Variants in ARHGAP39 observed in about 807,000 individuals in gnomAD.
ARHGAP39 encodes the protein rho GTPase-activating protein 39.
Under a neutral mutation model 106.9 loss-of-function variants are expected in ARHGAP39, and 44 were observed. That is an observed-to-expected ratio of 0.41 (90% CI 0.32 to 0.53). ARHGAP39 has a LOEUF of 0.53. Ranked by LOEUF, ARHGAP39 falls within the 20% of genes least tolerant of loss-of-function variation. The pLI is 0.21. For missense variants in ARHGAP39, 1,496 were observed against 1,577.3 expected (o/e 0.95, Z 0.87); for synonymous variants, 768 against 693.2 (o/e 1.11, Z -1.69).
chr8:144,583,795 A>G (rs538101241), intron 2 of ARHGAP39, among the ~76,000 whole-genome samples: 2 of 152,230 alleles, frequency 1.3e-5, no homozygotes, highest in African/African-American at 4.8e-5. Context: ...TACTACTGTC[A>G]TTGGAAAAAA....
intron 3 of ARHGAP39, among the ~76,000 whole-genome samples, chr8:144,562,971 C>T (rs905000847): frequency 6.6e-6 from 1 of 152,248 alleles, no homozygotes; most frequent in Non-Finnish European, 1.5e-5. Flanking sequence ...CAATATTGAG[C>T]TTGAAGTGAC....
chr8:144,669,506 C>CAAAAAAAA (rs55678140), intron 1 of ARHGAP39, among the ~76,000 whole-genome samples: 2 of 59,732 alleles, frequency 3.3e-5, no homozygotes, highest in African/African-American at 1.3e-4. Flanking sequence ...GACTCGGTCT[C>CAAAAAAAA]AAAAAAAAAA....
Position 144,646,169 on chromosome 8 carries a change from C to T in ARHGAP39, c.-82+39517G>A, listed in dbSNP as rs1821438613. Reference sequence around the variant, plus strand: ...CTTGGAGCCTGCTGGAGGAAGGGCACAGGCCACCGGAGGGGATGTGGATGT... The same window carrying T: ...CTTGGAGCCTGCTGGAGGAAGGGCATAGGCCACCGGAGGGGATGTGGATGT... On this transcript the variant is annotated intron_variant, in intron 1 of 11. Coordinates refer to ENST00000377307, the MANE Select transcript of ARHGAP39 (RefSeq NM_025251.3). This position sits in a 1 kb window ranked among gnomAD's most constrained non-coding sequence, Gnocchi z 5.7. Among the ~76,000 whole-genome samples the T allele has an allele frequency of 6.6e-6, 1 of 152,202 alleles. No homozygotes were observed. The highest frequency in any genetic ancestry group is 2.4e-5 in the African/African-American group (1 of 41,436).
chr8:144,601,036 C>T (rs1356514341), intron 2 of ARHGAP39, among the ~76,000 whole-genome samples: 3 of 122,346 alleles, frequency 2.5e-5, no homozygotes, highest in African/African-American at 9.7e-5. Context: ...GCTCGTGTAC[C>T]TGTGTGTGCA....
chr8:144,632,509 G>A (rs952901502), intron 1 of ARHGAP39, among the ~76,000 whole-genome samples: 8 of 152,220 alleles, frequency 5.3e-5, no homozygotes, highest in Non-Finnish European at 1.0e-4. Flanking sequence ...TGGAACTGGC[G>A]AATCGAGGGG....
At chr8:144,600,530 G>A (rs555343083) in intron 2 of ARHGAP39, among the ~76,000 whole-genome samples, 17 of 150,826 alleles carry the variant, frequency 1.1e-4, no homozygotes, top group South Asian at 1.0e-3. Flanking sequence ...GGAGGCGTGC[G>A]TGTGCACTTG....
chr8:144,675,839 T>C (rs1185676106), intron 1 of ARHGAP39, among the ~76,000 whole-genome samples: 1 of 151,842 alleles, frequency 6.6e-6, no homozygotes, highest in African/African-American at 2.4e-5. Flanking sequence ...AGGCAGTGCA[T>C]CTGGAGTTGT....
chr8:144,594,608 C>T (rs567779147), intron 2 of ARHGAP39, among the ~76,000 whole-genome samples: 50 of 151,398 alleles, frequency 3.3e-4, no homozygotes, highest in Non-Finnish European at 4.9e-4. Flanking sequence ...GAAGGAGAAT[C>T]GCTCGAACCC....
At chr8:144,676,021 A>C (rs1292880991) in intron 1 of ARHGAP39, among the ~76,000 whole-genome samples, 1 of 152,150 alleles carries the variant, frequency 6.6e-6, no homozygotes, top group Admixed American at 6.5e-5. Flanking sequence ...TCAGGAGTGA[A>C]GCTGCAGACC....
chr8:144,620,737 G>A (rs1385812812), intron 1 of ARHGAP39, among the ~76,000 whole-genome samples: 2 of 152,224 alleles, frequency 1.3e-5, no homozygotes, highest in Non-Finnish European at 2.9e-5. Context: ...CCAGTGGGCT[G>A]CCCTGAGCAC....
intron 3 of ARHGAP39, among the ~76,000 whole-genome samples, chr8:144,580,392 T>C (rs574639255): frequency 1.1e-4 from 16 of 152,316 alleles, no homozygotes; most frequent in African/African-American, 3.8e-4. Flanking sequence ...AACCACCACC[T>C]GCCAGGGGCT....
chr8:144,633,790 T>G (rs1418040134), intron 1 of ARHGAP39, among the ~76,000 whole-genome samples: 2 of 152,192 alleles, frequency 1.3e-5, no homozygotes, highest in African/African-American at 4.8e-5. Flanking sequence ...CTCACTCCTA[T>G]CTCAGCCCCC....
At chr8:144,595,864 C>T (rs1439016028) in intron 2 of ARHGAP39, among the ~76,000 whole-genome samples, 4 of 152,194 alleles carry the variant, frequency 2.6e-5, no homozygotes, top group South Asian at 2.1e-4. Context: ...CCCGCCGCGC[C>T]GCCATCTTCC....
Position 144,547,540 on chromosome 8 carries a change from G to A in ARHGAP39, c.1546C>T (p.Leu516=). 1.4e-6 allele frequency: 2 copies of A among 1,475,756 alleles called. No individual in the cohort carries two copies. The highest frequency in any genetic ancestry group is 1.4e-5 in the South Asian group (1 of 72,624). The allele number at this position is 1,475,756 out of a possible 1,614,324, so 91.4% of individuals were successfully genotyped here. The change falls in exon 5 of 12, where the codon CTG becomes TTG. Residue 516 remains leucine, a synonymous_variant. Transcript: ENST00000377307. The surrounding 1 kb of genome is among the most constrained non-coding windows in gnomAD (Gnocchi z 5.2). ...SATPTEGPGD[L]LVEQPLAEEQ... is the part of the protein sequence containing the mutation. ...TCGGCCAGGGGCTGCTCCACAAGCA[G>A]GTCCCCGGGGCCCTCAGTGGGGGTG...
At chr8:144,654,697 T>C (rs1259129442) in intron 1 of ARHGAP39, among the ~76,000 whole-genome samples, 2 of 151,958 alleles carry the variant, frequency 1.3e-5, no homozygotes, top group Non-Finnish European at 2.9e-5. Flanking sequence ...CATGCTGCTG[T>C]AGCTGCCCAA....
chr8:144,547,164 T>C lies in ARHGAP39; in HGVS notation c.1922A>G (p.Asn641Ser), dbSNP rs759411963. The C allele has an allele frequency of 9.3e-6, 15 of 1,610,160 alleles. No homozygotes were observed. The highest frequency in any genetic ancestry group is 4.4e-5 in the South Asian group (4 of 90,540). ...GAGGTAGGGCTCTGGTGAGGCCAGG[T>C]TGGTCTGCACGGAGACGCTCTTCTC... ...LLEKSVSVQT[N>S]LASPEPYLHP... Residue 641 changes from asparagine to serine, a missense_variant, in exon 5 of 12, where the codon AAC becomes AGC. Asn to Ser is a conservative substitution (Grantham distance 46). Around this residue, in one of 4 missense-constraint regions of ARHGAP39, gnomAD observed 905 missense variants for 816.4 expected, o/e 1.11. Coordinates refer to ENST00000377307, the MANE Select transcript of ARHGAP39 (RefSeq NM_025251.3). This position sits in a 1 kb window ranked among gnomAD's most constrained non-coding sequence, Gnocchi z 5.2.
intron 1 of ARHGAP39, among the ~76,000 whole-genome samples, chr8:144,611,389 G>A (rs1820484711): frequency 6.6e-6 from 1 of 152,184 alleles, no homozygotes; most frequent in Admixed American, 6.5e-5. Flanking sequence ...GCTGGTTGAT[G>A]GTGCTGATAC....
chr8:144,666,280 G>A (rs894461582), intron 1 of ARHGAP39, among the ~76,000 whole-genome samples: 12 of 152,304 alleles, frequency 7.9e-5, no homozygotes, highest in African/African-American at 2.9e-4. Context: ...AGGCAGAAAA[G>A]ACTTCCCTTG....
intron 1 of ARHGAP39, among the ~76,000 whole-genome samples, chr8:144,660,144 T>G (rs144422257): frequency 6.6e-6 from 1 of 152,266 alleles, no homozygotes; most frequent in African/African-American, 2.4e-5. Flanking sequence ...TGTGGAATGC[T>G]CCCGTGTCTC....
Sources: allele counts gnomAD v4.1 joint callset (sites outside exome capture counted in the v4.1 genomes callset), GRCh38; gene constraint gnomAD v4.1.1; regional missense constraint gnomAD v4.1.1; non-coding constraint Gnocchi (gnomAD v3.1); transcripts MANE v1.5; gene names NCBI Gene and HGNC (gene_info 2026-07-23, HGNC 2026-07-21).